The following DRC3 variants were observed in gnomAD, a reference collection of about 807,000 sequenced individuals.
The protein encoded by DRC3 is leucine rich repeat containing 48.
Under a neutral mutation model 57.6 loss-of-function variants are expected in DRC3, and 45 were observed. The ratio of observed to expected loss-of-function variants is 0.78; its 90% CI spans 0.62 to 1.00. DRC3 has a LOEUF of 1.00. DRC3 is among the 50% of genes least tolerant of loss of function. DRC3 has a pLI of 0.00. For missense variants in DRC3, 655 were observed against 675.2 expected (o/e 0.97, Z 0.33); for synonymous variants, 257 against 272.3 (o/e 0.94, Z 0.55).
chr17:17,977,963 C>T (rs746888712), intron 3 of DRC3: 8 of 492,054 alleles, frequency 1.6e-5, no homozygotes, highest in Non-Finnish European at 2.5e-5. Flanking sequence ...TGAATATCCA[C>T]GACGCTCCGG....
intron 3 of DRC3, among the ~76,000 whole-genome samples, chr17:17,980,281 TG>T (rs2042601564): frequency 1.4e-5 from 2 of 145,412 alleles, no homozygotes; most frequent in African/African-American, 4.9e-5. Flanking sequence ...GTTTTATTGT[TG>T]TTGTTTTTTT....
chr17:17,984,077 C>T (rs1246327784), intron 4 of DRC3, 133 bp downstream of exon 4: 6 of 604,282 alleles, frequency 9.9e-6, no homozygotes, highest in Non-Finnish European at 1.7e-5. Context: ...ACGGCAGAAG[C>T]TCTGCCTGCT....
At position 18,008,149 on chromosome 17, in the gene DRC3, C is replaced by T. The variant is rs1207087925; in HGVS notation, c.1326+1002C>T. On this transcript the variant is annotated intron_variant, in intron 12 of 13. Transcript: ENST00000399187. The surrounding 1 kb of genome is among the most constrained non-coding windows in gnomAD (Gnocchi z 4.3). ...CAGCCTCTGAGCTCTTCCCCAGTCA[C>T]CCAGGCTTGCTCCTTTCAGTTGATA... Among the ~76,000 whole-genome samples the T allele has an allele frequency of 6.6e-6, 1 of 152,196 alleles. No individual in the cohort carries two copies. The highest frequency in any genetic ancestry group is 1.5e-5 in the Non-Finnish European group (1 of 68,038).
At chr17:17,994,862 T>C in intron 7 of DRC3, 137 bp from the exon 8 acceptor site, 1 of 637,910 alleles carries the variant, frequency 1.6e-6, no homozygotes, top group Admixed American at 2.6e-5. Context: ...TGCAGTTTTA[T>C]GCCTCTGCAC....
intron 5 of DRC3, 65 bp downstream of exon 5, chr17:17,988,163 G>T: frequency 6.6e-7 from 1 of 1,508,232 alleles, no homozygotes; most frequent in South Asian, 1.2e-5. Flanking sequence ...TGGGTTGAGT[G>T]GGGGTCTGTG....
intron 4 of DRC3, 29 bp downstream of exon 4, chr17:17,983,973 C>G (rs757842955): frequency 1.4e-6 from 2 of 1,433,384 alleles, no homozygotes; most frequent in Non-Finnish European, 2.0e-6. Flanking sequence ...TGTGTCCACC[C>G]TAATCGAAGG....
Position 17,977,766 on chromosome 17 carries a change from T to C in DRC3, c.160+8T>C. On this transcript the variant is annotated splice_region_variant and intron_variant, in intron 3 of 13. Coordinates refer to ENST00000399187, the MANE Select transcript of DRC3 (RefSeq NM_031294.4). The stretch of plus-strand genomic sequence containing the variant: ...TGCAGCTGGACTTTCGGAGTATGTA[T>C]CCAAGGTTCAGGGGTGGTGGCCAGG... 6.3e-7 allele frequency: 1 copy of C among 1,590,508 alleles called. No homozygotes were observed. The highest frequency in any genetic ancestry group is 8.6e-7 in the Non-Finnish European group (1 of 1,166,972).
At chr17:17,973,049 C>T (rs573199419) in intron 1 of DRC3, 75 bp downstream of exon 1, 1 of 152,056 alleles carries the variant, frequency 6.6e-6, no homozygotes, top group South Asian at 2.1e-4. Context: ...TTCCTGTGAC[C>T]TTTTTCTCGG....
chr17:17,976,018 A>G (rs2042370444), intron 2 of DRC3, among the ~76,000 whole-genome samples: 1 of 152,158 alleles, frequency 6.6e-6, no homozygotes. Context: ...GCTTTTCAGC[A>G]GACACCATCA....
chr17:17,990,939 C>T (rs1324115765), intron 5 of DRC3, among the ~76,000 whole-genome samples: 2 of 151,978 alleles, frequency 1.3e-5, no homozygotes, highest in African/African-American at 4.8e-5. Context: ...TGCAGTGAGC[C>T]GAGATCGCGC....
intron 11 of DRC3, 80 bp from the exon 12 acceptor site, chr17:18,006,944 G>A (rs997173401): frequency 1.3e-6 from 2 of 1,585,238 alleles, no homozygotes; most frequent in African/African-American, 2.7e-5. Context: ...GGCCCTTAAA[G>A]TCTGTCTCCC....
intron 12 of DRC3, among the ~76,000 whole-genome samples, chr17:18,009,774 A>C (rs1482570243): frequency 6.6e-6 from 1 of 152,230 alleles, no homozygotes; most frequent in African/African-American, 2.4e-5. Context: ...TATCTTGATA[A>C]GTCACCCTGA....
chr17:18,006,728 A>G, intron 11 of DRC3: 1 of 398,912 alleles, frequency 2.5e-6, no homozygotes, highest in Non-Finnish European at 4.7e-6. Context: ...CAAGTTGTAG[A>G]GGCAACAAGT....
At chr17:17,976,408 G>A (rs529850074) in intron 2 of DRC3, among the ~76,000 whole-genome samples, 3 of 152,282 alleles carry the variant, frequency 2.0e-5, no homozygotes, top group South Asian at 4.1e-4. Flanking sequence ...GGCTGGGCAC[G>A]GTGGCTCATG....
intron 4 of DRC3, among the ~76,000 whole-genome samples, chr17:17,987,084 G>A (rs1238443791): frequency 2.0e-5 from 3 of 151,834 alleles, no homozygotes; most frequent in South Asian, 2.1e-4. Flanking sequence ...ATGTGATGGC[G>A]TATACCTGTG....
intron 3 of DRC3, chr17:17,978,006 T>G: frequency 2.6e-6 from 1 of 385,114 alleles, no homozygotes; most frequent in Non-Finnish European, 4.7e-6. Flanking sequence ...AAGATAAAAT[T>G]GTCCCACGCC....
chr17:18,011,705 CT>C (rs1359097875), intron 12 of DRC3: 22 of 208,800 alleles, frequency 1.1e-4, no homozygotes, highest in Admixed American at 1.8e-4. Context: ...TACCTGCCCC[CT>C]GACCTCTGGG....
intron 2 of DRC3, 71 bp from the exon 3 acceptor site, chr17:17,977,511 A>C: frequency 1.3e-6 from 2 of 1,579,096 alleles, no homozygotes; most frequent in Non-Finnish European, 1.7e-6. Context: ...TACAGGGGGA[A>C]ACCTCAGCCA....
intron 5 of DRC3, among the ~76,000 whole-genome samples, chr17:17,991,935 G>C (rs538764352): frequency 6.6e-6 from 1 of 152,252 alleles, no homozygotes; most frequent in East Asian, 1.9e-4. Context: ...GTGACCAGGA[G>C]CTCGAGACCA....
Sources: gnomAD v4.1 joint callset for allele counts (sites outside exome capture counted in the v4.1 genomes callset) on GRCh38, gnomAD v4.1.1 for gene constraint, Gnocchi (gnomAD v3.1) non-coding constraint, MANE v1.5 for transcripts, NCBI Gene and HGNC (gene_info 2026-07-23, HGNC 2026-07-21) for gene names.